DIAPH2: variants seen among roughly 807,000 people sequenced by gnomAD.
DIAPH2 encodes the protein protein diaphanous homolog 2.
In DIAPH2, 35 loss-of-function variants were observed where a neutral mutation model predicts 92.7. The ratio of observed to expected loss-of-function variants is 0.38; its 90% CI spans 0.29 to 0.50. The LOEUF (loss-of-function observed/expected upper bound fraction) is 0.50, where lower values mean the gene tolerates loss of function less well. DIAPH2 is among the 20% of genes least tolerant of loss of function. The probability of loss-of-function intolerance (pLI) is 0.94; values close to 1 mark genes in which losing one functional copy is unlikely to be tolerated. For missense variants in DIAPH2, 701 were observed against 819.5 expected (o/e 0.86, Z 1.77); for synonymous variants, 301 against 280.4 (o/e 1.07, Z -0.73).
At chrX:97,260,141 C>T (rs2068277326) in intron 23 of DIAPH2, among the ~76,000 whole-genome samples, 2 of 112,613 alleles carry the variant, frequency 1.8e-5, no homozygotes, top group Non-Finnish European at 3.8e-5. Context: ...CATATTAAGT[C>T]TTGCACCTAC....
At chrX:97,310,699 A>G (rs1030822470) in intron 23 of DIAPH2, among the ~76,000 whole-genome samples, 4 of 111,242 alleles carry the variant, frequency 3.6e-5, no homozygotes, top group Non-Finnish European at 7.5e-5. Context: ...TGTACACCCA[A>G]ATGATATAGA....
intron 26 of DIAPH2, among the ~76,000 whole-genome samples, chrX:97,440,648 G>T (rs761165709): frequency 9.3e-6 from 1 of 107,437 alleles, no homozygotes; most frequent in South Asian, 4.2e-4. Flanking sequence ...TGATTATGGA[G>T]ATATGGGGAG....
intron 26 of DIAPH2, among the ~76,000 whole-genome samples, chrX:97,433,637 A>G (rs972813736): frequency 1.2e-4 from 13 of 112,460 alleles, no homozygotes; most frequent in African/African-American, 3.9e-4. Context: ...ATTAACCCAG[A>G]TCACAAGCTT....
intron 4 of DIAPH2, among the ~76,000 whole-genome samples, chrX:96,772,079 G>T (rs2064342760): frequency 9.1e-6 from 1 of 110,279 alleles, no homozygotes; most frequent in African/African-American, 3.3e-5. Context: ...TAAAATTTTG[G>T]GCCCTTTTCT....
At chrX:97,309,161 C>T (rs1471117966) in intron 23 of DIAPH2, among the ~76,000 whole-genome samples, 2 of 108,689 alleles carry the variant, frequency 1.8e-5, no homozygotes, top group Admixed American at 9.9e-5. Flanking sequence ...AGTGCAGTGG[C>T]GTGATCTTGG....
At chrX:97,021,275 G>A (rs968391033) in intron 17 of DIAPH2, among the ~76,000 whole-genome samples, 2 of 111,612 alleles carry the variant, frequency 1.8e-5, no homozygotes, top group Non-Finnish European at 3.8e-5. Context: ...ACAGCTCACT[G>A]CAAGCCTTGA....
chrX:96,854,631 A>ATATATATC (rs2065027969), intron 4 of DIAPH2, among the ~76,000 whole-genome samples: 1 of 80,160 alleles, frequency 1.2e-5, no homozygotes, highest in Non-Finnish European at 2.4e-5. Flanking sequence ...ATATATATAT[A>ATATATATC]TATATATATA....
In DIAPH2 at chrX:97,570,610, T is replaced by C. The variant is rs2147874103; in HGVS notation, c.3242-28643T>C. On this transcript the variant is annotated intron_variant, in intron 26 of 26. Coordinates refer to ENST00000324765, the MANE Select transcript of DIAPH2 (RefSeq NM_006729.5). ...ATGCAAAATATCAGTTAATCTCCTC[T>C]CTAGTGTGCTTTAAAGCCAGGGAAT... Among the ~76,000 whole-genome samples the C allele has an allele frequency of 1.8e-5, 2 of 110,807 alleles. 1 individual carries two copies. The highest frequency in any genetic ancestry group is 6.5e-5 in the African/African-American group (2 of 30,604).
At chrX:97,212,588 TTG>T (rs1217581448) in intron 22 of DIAPH2, among the ~76,000 whole-genome samples, 43 of 88,993 alleles carry the variant, frequency 4.8e-4, no homozygotes, top group African/African-American at 1.6e-3. Context: ...TTAGGGTTTT[TTG>T]TTTTTTTTTT....
intron 26 of DIAPH2, among the ~76,000 whole-genome samples, chrX:97,560,171 A>G (rs892379392): frequency 8.9e-6 from 1 of 112,121 alleles, no homozygotes; most frequent in African/African-American, 3.2e-5. Context: ...CATTTCTAGC[A>G]TCTGTTTTTA....
chrX:97,269,755 T>TA (rs201867709), intron 23 of DIAPH2, among the ~76,000 whole-genome samples: 66 of 105,617 alleles, frequency 6.2e-4, no homozygotes, highest in South Asian at 1.7e-3. Flanking sequence ...ATTTTTATTT[T>TA]TTTTTTTTTT....
chrX:97,053,341 TA>T (rs1400994244), intron 17 of DIAPH2, among the ~76,000 whole-genome samples: 5 of 111,743 alleles, frequency 4.5e-5, no homozygotes, highest in Admixed American at 3.8e-4. Context: ...CGTTTTAAAT[TA>T]TTTTTTTAAA....
chrX:96,720,859 A>G (rs2063984580), intron 1 of DIAPH2, among the ~76,000 whole-genome samples: 1 of 111,617 alleles, frequency 9.0e-6, no homozygotes, highest in African/African-American at 3.3e-5. Context: ...CCCCAATAAA[A>G]CTGTACCCTA....
chrX:96,946,026 G>T (rs896094437), intron 14 of DIAPH2, among the ~76,000 whole-genome samples: 1 of 111,544 alleles, frequency 9.0e-6, no homozygotes, highest in African/African-American at 3.3e-5. Flanking sequence ...ATGTTGCAGT[G>T]TTTTCTCTCT....
intron 22 of DIAPH2, among the ~76,000 whole-genome samples, chrX:97,170,546 G>A (rs1170638000): frequency 9.0e-6 from 1 of 111,661 alleles, no homozygotes; most frequent in Non-Finnish European, 1.9e-5. Flanking sequence ...TAGTGTTGGG[G>A]CAAAGAACAA....
intron 26 of DIAPH2, among the ~76,000 whole-genome samples, chrX:97,488,043 G>A (rs2070701138): frequency 8.9e-6 from 1 of 111,800 alleles, no homozygotes. Flanking sequence ...ACCCAAGCTG[G>A]AGTGCAATGG....
At chrX:97,405,513 C>A (rs1001402402) in intron 25 of DIAPH2, among the ~76,000 whole-genome samples, 1 of 111,955 alleles carries the variant, frequency 8.9e-6, no homozygotes, top group Non-Finnish European at 1.9e-5. Context: ...GCTGATGACT[C>A]ATGGGGGTTG....
At chrX:97,229,579 C>A (rs2067991582) in intron 22 of DIAPH2, among the ~76,000 whole-genome samples, 1 of 110,477 alleles carries the variant, frequency 9.1e-6, no homozygotes. Context: ...AGTAATGCCA[C>A]TGGGGAAAAC....
At chrX:97,505,609 A>G (rs886455769) in intron 26 of DIAPH2, among the ~76,000 whole-genome samples, 5 of 110,430 alleles carry the variant, frequency 4.5e-5, no homozygotes, top group Non-Finnish European at 9.5e-5. Context: ...CAATTCTGCC[A>G]TGGTGATCAC....
Sources: gnomAD v4.1 joint callset for allele counts (sites outside exome capture counted in the v4.1 genomes callset) on GRCh38, gnomAD v4.1.1 for gene constraint, MANE v1.5 for transcripts, NCBI Gene and HGNC (gene_info 2026-07-23, HGNC 2026-07-21) for gene names.